The following TAF8 variants were observed in gnomAD, a reference collection of about 807,000 sequenced individuals.
TAF8 encodes the protein transcription initiation factor TFIID subunit 8.
A neutral mutation model predicts 36.5 loss-of-function variants in TAF8; 47 were observed. That is an observed-to-expected ratio of 1.29 (90% CI 1.02 to 1.64). The LOEUF is 1.64. TAF8 is among the 40% of genes most tolerant of loss of function. The probability of loss-of-function intolerance (pLI) is 0.00; values close to 1 mark genes in which losing one functional copy is unlikely to be tolerated. For missense variants in TAF8, 420 were observed against 407.6 expected, an observed-to-expected ratio of 1.03 and a Z score of -0.26; for synonymous variants, 175 against 159.5, an observed-to-expected ratio of 1.10 and a Z score of -0.73.
At chr6:42,086,916 A>G, downstream of TAF8, 1 of 718,716 alleles carries the variant, frequency 1.4e-6, no homozygotes, top group Non-Finnish European at 2.4e-6. Flanking sequence ...GTGACGGGCC[A>G]GGCGCAGCCA....
intron 5 of TAF8, among the ~76,000 whole-genome samples, chr6:42,061,230 A>G (rs1220493977): frequency 6.6e-6 from 1 of 152,228 alleles, no homozygotes; most frequent in African/African-American, 2.4e-5. Context: ...GTGGCATACA[A>G]CAATTTTACA....
chr6:42,066,475 C>T lies in TAF8; in HGVS notation c.637+16C>T. ...ACATTTCCATGTGAGAGTTGCCCCA[C>T]TGTGTGGACCCTGTCTTATTTGAAA... On this transcript the variant is annotated intron_variant, in intron 6 of 8. Coordinates refer to ENST00000372977, the MANE Select transcript of TAF8 (RefSeq NM_138572.3). The T allele has an allele frequency of 6.2e-7, 1 of 1,613,534 alleles. No individual in the cohort carries two copies.
At position 42,079,212 on chromosome 6, in the gene TAF8, T is replaced by G. The variant is rs1363947855; in HGVS notation, c.*1667T>G. On this transcript the variant is annotated 3_prime_UTR_variant, in exon 9 of 9. Coordinates refer to ENST00000372977, the MANE Select transcript of TAF8 (RefSeq NM_138572.3). ...GAGGGCTGGGCCTCATCTTGTATTCTGAAAGCTGAGAAACGGCTGGTCAGC... is the reference window on the plus strand; with the variant it reads ...GAGGGCTGGGCCTCATCTTGTATTCGGAAAGCTGAGAAACGGCTGGTCAGC... The G allele has an allele frequency of 2.0e-5, 20 of 985,514 alleles. No individual in the cohort carries two copies. The highest frequency in any genetic ancestry group is 2.4e-5 in the Non-Finnish European group (20 of 829,980). The allele number at this position is 985,514 out of a possible 1,614,324, so 61.0% of individuals were successfully genotyped here. A position where few individuals can be genotyped will look rare whatever the true frequency, so the allele number is the denominator to read the frequency against.
At chr6:42,055,747 C>A in intron 3 of TAF8, 118 bp downstream of exon 3, 2 of 861,552 alleles carry the variant, frequency 2.3e-6, no homozygotes, top group South Asian at 1.5e-5. Context: ...TTGCTTTGAG[C>A]TTGAGAGAGT....
intron 4 of TAF8, chr6:42,056,383 C>T: frequency 4.2e-6 from 1 of 239,990 alleles, no homozygotes; most frequent in Non-Finnish European, 8.3e-6. Flanking sequence ...TATCGGAATG[C>T]AGCCATATTT....
rs906166863 is a variant in TAF8 at position 42,082,378 on chromosome 6, G to C, written c.*4833G>C. 26 of 152,186 alleles carry C rather than the reference G, an allele frequency of 1.7e-4. No homozygotes were observed. Among genetic ancestry groups the C allele is most frequent in the Admixed American group, 1.0e-3 (16 of 15,280 alleles). The allele number at this position is 152,186 out of a possible 1,614,324, so 9.4% of individuals were successfully genotyped here. ...GACAGAGTCTTGCTCTATCGCCTAG[G>C]CTGGATGGAGTGCAGTGGAGCGATC... is the stretch of plus-strand genomic sequence containing the variant. On this transcript the variant is annotated 3_prime_UTR_variant, in exon 9 of 9. Transcript: ENST00000372977.
At chr6:42,057,055 T>A (rs1765015579) in intron 4 of TAF8, among the ~76,000 whole-genome samples, 1 of 152,198 alleles carries the variant, frequency 6.6e-6, no homozygotes, top group Non-Finnish European at 1.5e-5. Flanking sequence ...CTTTTTGTTA[T>A]CCAAGGTCTC....
chr6:42,066,313 C>CG lies in TAF8; in HGVS notation c.492dup (p.Tyr165ValfsTer3). On this transcript the variant is annotated frameshift_variant and splice_region_variant, in exon 6 of 9. Transcript: ENST00000372977. LOFTEE classifies it high-confidence loss of function. Reference sequence around the variant, plus strand: ...GTGTCTTTGCTGCTCTCTTCGTAGACGTACCGTGAGCCCGTGTCAGACTAC... The same window carrying CG: ...GTGTCTTTGCTGCTCTCTTCGTAGACGGTACCGTGAGCCCGTGTCAGACTAC... 6.2e-7 allele frequency: 1 copy of CG among 1,613,810 alleles called. No individual in the cohort carries two copies. The highest frequency in any genetic ancestry group is 8.5e-7 in the Non-Finnish European group (1 of 1,180,014).
intron 6 of TAF8, among the ~76,000 whole-genome samples, chr6:42,067,906 C>T (rs1765422581): frequency 6.6e-6 from 1 of 152,190 alleles, no homozygotes; most frequent in Admixed American, 6.5e-5. Flanking sequence ...TTCTTCCTCT[C>T]ATCCTCATTG....
rs1765969046 is a variant in TAF8, at chr6:42,083,177, T to G, written c.*5632T>G. The G allele has an allele frequency of 6.6e-6, 1 of 152,234 alleles. No homozygotes were observed. Among genetic ancestry groups the G allele is most frequent in the African/African-American group, 2.4e-5 (1 of 41,464 alleles). 9.4% of individuals were successfully genotyped at this position (152,234 alleles called of 1,614,324 possible). A position where few individuals can be genotyped will look rare whatever the true frequency, so the allele number is the denominator to read the frequency against. The stretch of plus-strand genomic sequence containing the variant: ...GACCTTATGTATTCTTCCAGAAGTA[T>G]TCTGTGCATCAAATGCAAATACTTA... On this transcript the variant is annotated 3_prime_UTR_variant, in exon 9 of 9. Coordinates refer to ENST00000372977, the MANE Select transcript of TAF8 (RefSeq NM_138572.3).
At chr6:42,064,395 C>T (rs1765288326) in intron 5 of TAF8, among the ~76,000 whole-genome samples, 2 of 151,964 alleles carry the variant, frequency 1.3e-5, no homozygotes, top group Admixed American at 1.3e-4. Flanking sequence ...GTTGGGATTA[C>T]AGGTGCCCAC....
chr6:42,085,103 GAC>G (rs1299263545), downstream of TAF8, among the ~76,000 whole-genome samples: 1 of 152,148 alleles, frequency 6.6e-6, no homozygotes, highest in Non-Finnish European at 1.5e-5. Context: ...AGCAAATACG[GAC>G]ACATTTTTCC....
rs35079316 is a variant in TAF8 at position 42,053,565 on chromosome 6, C to CA, written c.203-1953dup. ...GGGCAACAAGAGCGAAACTCCGTCT[C>CA]AAAAAAAAAAAAAGAAAAAAAAAGA... On this transcript the variant is annotated intron_variant, in intron 2 of 8. Transcript: ENST00000372977. 3.3e-3 allele frequency among the ~76,000 whole-genome samples: 400 copies of CA among 122,204 alleles called. 5 individuals are homozygous for CA. Among genetic ancestry groups the CA allele is most frequent in the African/African-American group, 0.012 (357 of 30,252 alleles). 80.2% of individuals were successfully genotyped at this position (122,204 alleles called of 152,430 possible). A position where few individuals can be genotyped will look rare whatever the true frequency, so the allele number is the denominator to read the frequency against.
chr6:42,065,492 A>G (rs1765331233), intron 5 of TAF8, among the ~76,000 whole-genome samples: 1 of 152,256 alleles, frequency 6.6e-6, no homozygotes, highest in Non-Finnish European at 1.5e-5. Flanking sequence ...TTGCACGTAT[A>G]ATAAGATCTT....
chr6:42,078,212 G>A lies in TAF8; in HGVS notation c.*667G>A. 2.0e-6 allele frequency: 2 copies of A among 985,614 alleles called. No individual in the cohort carries two copies. Among genetic ancestry groups the A allele is most frequent in the Non-Finnish European group, 2.4e-6 (2 of 830,112 alleles). 61.1% of individuals were successfully genotyped at this position (985,614 alleles called of 1,614,324 possible). A position where few individuals can be genotyped will look rare whatever the true frequency, so the allele number is the denominator to read the frequency against. Reference sequence around the variant, plus strand: ...ACCAGAGACTTTCTTAATCAATCAGGCTATGTGGTGGGGCATAGCAGCAGC... The same window carrying A: ...ACCAGAGACTTTCTTAATCAATCAGACTATGTGGTGGGGCATAGCAGCAGC... On this transcript the variant is annotated 3_prime_UTR_variant, in exon 9 of 9. Transcript: ENST00000372977.
rs1201995506 is a variant in TAF8, at chr6:42,081,185, G to A, written c.*3640G>A. On this transcript the variant is annotated 3_prime_UTR_variant, in exon 9 of 9. Coordinates refer to ENST00000372977, the MANE Select transcript of TAF8 (RefSeq NM_138572.3). ...TTCCTCCTGGAGTGTGTGTGTGTGT[G>A]TGTGTGCGTGTGTGTGCGTGTGAGA... 1 of 141,736 alleles carries A rather than the reference G, an allele frequency of 7.1e-6. No homozygotes were observed. The highest frequency in any genetic ancestry group is 2.8e-5 in the African/African-American group (1 of 35,166). The allele number at this position is 141,736 out of a possible 1,614,324, so 8.8% of individuals were successfully genotyped here. A position where few individuals can be genotyped will look rare whatever the true frequency, so the allele number is the denominator to read the frequency against.
Position 42,078,182 on chromosome 6 carries a change from A to AC in TAF8, c.*641dup, listed in dbSNP as rs202089305. The AC allele has an allele frequency of 2.9e-3, 2,837 of 985,670 alleles. 63 individuals carry two copies. In the African/African-American group the frequency reaches 0.044, roughly 15 times the overall value. 61.1% of individuals were successfully genotyped at this position (985,670 alleles called of 1,614,324 possible). On this transcript the variant is annotated 3_prime_UTR_variant, in exon 9 of 9. Coordinates refer to ENST00000372977, the MANE Select transcript of TAF8 (RefSeq NM_138572.3). ...TGAGATTACAGGCGTGAGCCACCGCACCCCACCAGAGACTTTCTTAATCAA... is the reference window on the plus strand; with the variant it reads ...TGAGATTACAGGCGTGAGCCACCGCACCCCCACCAGAGACTTTCTTAATCAA...
chr6:42,053,820 A>G (rs1279339786), intron 2 of TAF8, among the ~76,000 whole-genome samples: 2 of 152,190 alleles, frequency 1.3e-5, no homozygotes, highest in East Asian at 3.8e-4. Context: ...ACTTTGTCCT[A>G]AAGGAATGAA....
chr6:42,064,670 G>A (rs1582228617), intron 5 of TAF8, among the ~76,000 whole-genome samples: 1 of 152,054 alleles, frequency 6.6e-6, no homozygotes, highest in South Asian at 2.1e-4. Context: ...ACATTTCCAG[G>A]TGCCTTCTTT....
Sources: gnomAD v4.1 joint callset for allele counts (sites outside exome capture counted in the v4.1 genomes callset) on GRCh38, gnomAD v4.1.1 for gene constraint, MANE v1.5 for transcripts, NCBI Gene and HGNC (gene_info 2026-07-23, HGNC 2026-07-21) for gene names.